SDK2: variants seen among roughly 807,000 people sequenced by gnomAD.
SDK2 encodes protein sidekick-2.
In SDK2, 105 loss-of-function variants were observed where a neutral mutation model predicts 253.9. The observed-to-expected ratio is 0.41, with a 90% CI of 0.35 to 0.49. SDK2 has a LOEUF of 0.49. SDK2 is among the 20% of genes least tolerant of loss of function. The pLI, the probability that SDK2 is intolerant of heterozygous loss-of-function variation, is 0.06. For missense variants in SDK2, 2,608 were observed against 3,003.0 expected, an observed-to-expected ratio of 0.87 and a Z score of 3.07; for synonymous variants, 1,249 against 1,234.9, an observed-to-expected ratio of 1.01 and a Z score of -0.24.
intron 1 of SDK2, among the ~76,000 whole-genome samples, chr17:73,621,593 T>G (rs536759339): frequency 6.6e-6 from 1 of 151,880 alleles, no homozygotes; most frequent in Admixed American, 6.6e-5. Flanking sequence ...TATATAAATA[T>G]AACTTTTTTA....
At chr17:73,615,154 A>G (rs1452991008) in intron 1 of SDK2, among the ~76,000 whole-genome samples, 1 of 152,290 alleles carries the variant, frequency 6.6e-6, no homozygotes, top group Admixed American at 6.5e-5. Context: ...CACAATGAGT[A>G]CATACTTGAT....
chr17:73,492,760 G>A (rs2063815325), intron 2 of SDK2, among the ~76,000 whole-genome samples: 1 of 152,126 alleles, frequency 6.6e-6, no homozygotes, highest in African/African-American at 2.4e-5. Flanking sequence ...TCAGGGCGAC[G>A]AAGACACAGG....
At chr17:73,529,785 C>T (rs982929388) in intron 1 of SDK2, among the ~76,000 whole-genome samples, 5 of 152,212 alleles carry the variant, frequency 3.3e-5, no homozygotes, top group Non-Finnish European at 4.4e-5. Context: ...CAGGTCCTCC[C>T]TCAGCACCTC....
At chr17:73,516,069 A>C (rs1356385851) in intron 1 of SDK2, among the ~76,000 whole-genome samples, 1 of 152,138 alleles carries the variant, frequency 6.6e-6, no homozygotes, top group Non-Finnish European at 1.5e-5. Context: ...CCATTCCCCT[A>C]AGAAGCCCGC....
At chr17:73,540,006 C>T (rs1219775103) in intron 1 of SDK2, among the ~76,000 whole-genome samples, 1 of 145,850 alleles carries the variant, frequency 6.9e-6, no homozygotes, top group Non-Finnish European at 1.5e-5. Flanking sequence ...GGGCAGCCCC[C>T]ACCAGAGACG....
At chr17:73,636,021 C>A (rs2046325381) in intron 1 of SDK2, among the ~76,000 whole-genome samples, 1 of 152,128 alleles carries the variant, frequency 6.6e-6, no homozygotes, top group Admixed American at 6.5e-5. Context: ...AACTCTACAC[C>A]CCTCCCTGGA....
At position 73,496,622 on chromosome 17, in the gene SDK2, G is replaced by A. The variant is rs1435456620; in HGVS notation, c.224+10816C>T. Among the ~76,000 whole-genome samples the A allele has an allele frequency of 6.6e-6, 1 of 152,104 alleles. No individual in the cohort carries two copies. Among genetic ancestry groups the A allele is most frequent in the Non-Finnish European group, 1.5e-5 (1 of 68,008 alleles). ...ATCCTTTCGAGACTGTCCACTGCCTGCTGGATATATCCGAGAAGATTCTTC... is the reference window on the plus strand; with the variant it reads ...ATCCTTTCGAGACTGTCCACTGCCTACTGGATATATCCGAGAAGATTCTTC... On this transcript the variant is annotated intron_variant, in intron 2 of 44. Transcript: ENST00000392650. This position sits in a 1 kb window ranked among gnomAD's most constrained non-coding sequence, Gnocchi z 4.7.
intron 15 of SDK2, among the ~76,000 whole-genome samples, chr17:73,421,016 G>C (rs2063225256): frequency 6.6e-6 from 1 of 152,232 alleles, no homozygotes; most frequent in Non-Finnish European, 1.5e-5. Context: ...ACATTAGGAA[G>C]GTGAGTCAGT....
At position 73,642,021 on chromosome 17, in the gene SDK2, C is replaced by T. The variant is rs2046405340; in HGVS notation, c.64+2004G>A. On this transcript the variant is annotated intron_variant, in intron 1 of 44. Transcript: ENST00000392650. The surrounding 1 kb of genome is among the most constrained non-coding windows in gnomAD (Gnocchi z 4.7). ...CAGGGGACCTGGGCAGCCTGACACG[C>T]AAAAAGCCAGCAAACAAGAAAGGCA... Among the ~76,000 whole-genome samples the T allele has an allele frequency of 6.6e-6, 1 of 152,134 alleles. No homozygotes were observed. Among genetic ancestry groups the T allele is most frequent in the South Asian group, 2.1e-4 (1 of 4,816 alleles).
chr17:73,346,814 T>A (rs1426676113), intron 44 of SDK2, among the ~76,000 whole-genome samples: 2 of 151,490 alleles, frequency 1.3e-5, no homozygotes, highest in Non-Finnish European at 2.9e-5. Context: ...GGGGAAGGGG[T>A]GTCCTTGAAA....
chr17:73,346,190 G>A (rs200933954), intron 44 of SDK2, among the ~76,000 whole-genome samples: 26 of 150,362 alleles, frequency 1.7e-4, no homozygotes, highest in Non-Finnish European at 2.7e-4. Flanking sequence ...CCTAGGCAAC[G>A]AGGGCGAAAC....
At chr17:73,555,765 G>T (rs12150622) in intron 1 of SDK2, among the ~76,000 whole-genome samples, 2 of 151,988 alleles carry the variant, frequency 1.3e-5, no homozygotes, top group African/African-American at 4.8e-5. Flanking sequence ...CAAAGCTGCC[G>T]GAGCCACTTA....
intron 36 of SDK2, among the ~76,000 whole-genome samples, chr17:73,375,083 C>A (rs2062766417): frequency 6.6e-6 from 1 of 152,128 alleles, no homozygotes; most frequent in Non-Finnish European, 1.5e-5. Context: ...TGGGGACACA[C>A]AAGGCTCTCC....
intron 8 of SDK2, among the ~76,000 whole-genome samples, chr17:73,437,306 G>T (rs557702486): frequency 7.2e-4 from 109 of 152,302 alleles, no homozygotes; most frequent in African/African-American, 2.6e-3. Context: ...TTCAAGGGGG[G>T]TTAAGTAGGA....
At chr17:73,624,567 G>T (rs972019443) in intron 1 of SDK2, among the ~76,000 whole-genome samples, 3 of 152,218 alleles carry the variant, frequency 2.0e-5, no homozygotes. Flanking sequence ...AATAGCAACA[G>T]CAGCAAATGA....
chr17:73,473,359 T>C (rs1471173777), intron 2 of SDK2, among the ~76,000 whole-genome samples: 4 of 152,226 alleles, frequency 2.6e-5, no homozygotes, highest in African/African-American at 9.6e-5. Flanking sequence ...CTAGTTCTCC[T>C]GGTTCACCCT....
chr17:73,637,473 G>T, intron 1 of SDK2, among the ~76,000 whole-genome samples: 1 of 152,194 alleles, frequency 6.6e-6, no homozygotes, highest in Non-Finnish European at 1.5e-5. Flanking sequence ...CTGCCTCCCA[G>T]GTTCAAGCAA....
At chr17:73,500,717 ATCCTCTG>A (rs2063884104) in intron 2 of SDK2, among the ~76,000 whole-genome samples, 1 of 98,034 alleles carries the variant, frequency 1.0e-5, no homozygotes, top group African/African-American at 4.1e-5. Context: ...CGTCTCCTCC[ATCCTCTG>A]TCCATCCTCC....
chr17:73,611,814 C>T (rs749135137), intron 1 of SDK2, among the ~76,000 whole-genome samples: 16 of 152,208 alleles, frequency 1.1e-4, no homozygotes, highest in Non-Finnish European at 1.9e-4. Flanking sequence ...AGCTTCTGCC[C>T]GGCCCCTGCC....
Sources: gnomAD v4.1 joint callset for allele counts (sites outside exome capture counted in the v4.1 genomes callset) on GRCh38, gnomAD v4.1.1 for gene constraint, Gnocchi (gnomAD v3.1) non-coding constraint, MANE v1.5 for transcripts, NCBI Gene and HGNC (gene_info 2026-07-23, HGNC 2026-07-21) for gene names.